The following ARHGAP15 variants were observed in gnomAD, a reference collection of about 807,000 sequenced individuals.
ARHGAP15 encodes the protein rho GTPase-activating protein 15.
In ARHGAP15, 51 loss-of-function variants were observed where a neutral mutation model predicts 63.7. The observed-to-expected ratio is 0.80, with a 90% CI of 0.64 to 1.01. The LOEUF (loss-of-function observed/expected upper bound fraction) is 1.01, where lower values mean the gene tolerates loss of function less well. Among genes scored for constraint, ARHGAP15 ranks in the 50% least tolerant of loss-of-function variants. The probability of loss-of-function intolerance (pLI) is 0.00; values close to 1 mark genes in which losing one functional copy is unlikely to be tolerated. For missense variants in ARHGAP15, 560 were observed against 564.6 expected (o/e 0.99, Z 0.08); for synonymous variants, 191 against 193.8 (o/e 0.99, Z 0.12).
chr2:143,394,264 T>C (rs988051126), intron 6 of ARHGAP15, among the ~76,000 whole-genome samples: 1 of 152,080 alleles, frequency 6.6e-6, no homozygotes, highest in Non-Finnish European at 1.5e-5. Context: ...GCCACAAATA[T>C]GCTAGTCTGT....
intron 6 of ARHGAP15, among the ~76,000 whole-genome samples, chr2:143,351,818 A>G (rs550521418): frequency 8.5e-5 from 13 of 152,318 alleles, no homozygotes; most frequent in South Asian, 4.1e-4. Flanking sequence ...GTGATATGGC[A>G]TGGAATTAGG....
In ARHGAP15 at chr2:143,592,946, T is replaced by A. The variant is rs115345987; in HGVS notation, c.1004-31187T>A. ...TCTATTTATATGTGCACCATCCCAC[T>A]GGCACCGTTGTTCAAGGTTCCATAA... On this transcript the variant is annotated intron_variant, in intron 11 of 13. Transcript: ENST00000295095. Among the ~76,000 whole-genome samples, 1,422 of 152,306 alleles carry A rather than the reference T, an allele frequency of 9.3e-3. 25 individuals are homozygous for A. Among genetic ancestry groups the A allele is most frequent in the African/African-American group, 0.031 (1,305 of 41,570 alleles).
At chr2:143,607,825 A>G (rs1698097732) in intron 11 of ARHGAP15, 1 of 152,020 alleles carries the variant, frequency 6.6e-6, no homozygotes, top group Non-Finnish European at 1.5e-5. Flanking sequence ...CATGTTCTCC[A>G]CCCCACTGAA....
At chr2:143,165,993 AGAAAGAAAGAAG>A (rs1234865871) in intron 2 of ARHGAP15, among the ~76,000 whole-genome samples, 7 of 115,606 alleles carry the variant, frequency 6.1e-5, no homozygotes, top group African/African-American at 2.2e-4. Context: ...AAAGAAAGAA[AGAAAGAAAGAAG>A]GAAGGAAGGA....
At chr2:143,467,594 G>C (rs1367259891) in intron 8 of ARHGAP15, among the ~76,000 whole-genome samples, 7 of 152,036 alleles carry the variant, frequency 4.6e-5, no homozygotes, top group Non-Finnish European at 8.8e-5. Context: ...ACTATTGTCT[G>C]CTTCCATCAT....
intron 11 of ARHGAP15, among the ~76,000 whole-genome samples, chr2:143,593,984 T>G (rs1395523341): frequency 1.3e-5 from 2 of 152,198 alleles, no homozygotes; most frequent in African/African-American, 2.4e-5. Flanking sequence ...TGATATATTA[T>G]TTAACTCTTA....
At chr2:143,748,634 A>G (rs1271657262) in intron 13 of ARHGAP15, among the ~76,000 whole-genome samples, 2 of 152,218 alleles carry the variant, frequency 1.3e-5, no homozygotes, top group African/African-American at 4.8e-5. Context: ...TGGTAGGCGG[A>G]GTATATCTTA....
At chr2:143,751,464 G>A (rs184407163) in intron 13 of ARHGAP15, among the ~76,000 whole-genome samples, 17 of 152,128 alleles carry the variant, frequency 1.1e-4, no homozygotes, top group African/African-American at 3.1e-4. Context: ...TGTGGTGCTC[G>A]GAGTGTGTTC....
rs148887937 is a variant in ARHGAP15 at position 143,573,894 on chromosome 2, C to G, written c.1003+17409C>G. ...GTTCAGGTTCATATTTGGTCCATTTCTAGAAAAGGTTGCCTCTCTTATATT... is the reference window on the plus strand; with the variant it reads ...GTTCAGGTTCATATTTGGTCCATTTGTAGAAAAGGTTGCCTCTCTTATATT... On this transcript the variant is annotated intron_variant, in intron 11 of 13. Coordinates refer to ENST00000295095, the MANE Select transcript of ARHGAP15 (RefSeq NM_018460.4). 7.2e-3 allele frequency among the ~76,000 whole-genome samples: 1,092 copies of G among 152,084 alleles called. 5 individuals carry two copies. The highest frequency in any genetic ancestry group is 9.9e-3 in the Non-Finnish European group (673 of 67,960).
At chr2:143,328,128 CTT>C (rs1309230614) in intron 6 of ARHGAP15, among the ~76,000 whole-genome samples, 1 of 152,196 alleles carries the variant, frequency 6.6e-6, no homozygotes, top group Non-Finnish European at 1.5e-5. Context: ...AAAAGGAACA[CTT>C]TTACACTATT....
Position 143,216,485 on chromosome 2 carries a change from G to T in ARHGAP15, c.296+40G>T, listed in dbSNP as rs770416782. The T allele has an allele frequency of 4.9e-6, 7 of 1,430,560 alleles. No individual in the cohort carries two copies. In the South Asian group the frequency reaches 8.3e-5, roughly 17 times the overall value. 88.6% of individuals were successfully genotyped at this position (1,430,560 alleles called of 1,614,324 possible). A position where few individuals can be genotyped will look rare whatever the true frequency, so the allele number is the denominator to read the frequency against. ...TAATTCACTTTTATATAACTATGCT[G>T]GTTCTTCATATGCTAAACTTGTGCC... is the stretch of plus-strand genomic sequence containing the variant. On this transcript the variant is annotated intron_variant, in intron 4 of 13. Transcript: ENST00000295095.
chr2:143,372,405 A>G (rs1238543664), intron 6 of ARHGAP15, among the ~76,000 whole-genome samples: 1 of 151,362 alleles, frequency 6.6e-6, no homozygotes, highest in Admixed American at 6.6e-5. Flanking sequence ...TATTTCACCA[A>G]TGATACCATA....
At chr2:143,333,899 T>C (rs750585745) in intron 6 of ARHGAP15, among the ~76,000 whole-genome samples, 2 of 152,348 alleles carry the variant, frequency 1.3e-5, no homozygotes, top group African/African-American at 4.8e-5. Flanking sequence ...AAATTGTTTC[T>C]TGTCTTAATA....
intron 5 of ARHGAP15, 101 bp downstream of exon 5, chr2:143,228,769 C>A (rs1693324047): frequency 5.2e-6 from 4 of 775,092 alleles, no homozygotes; most frequent in Admixed American, 3.2e-5. Context: ...TCCAAGCTAC[C>A]AACATCTGAA....
chr2:143,133,378 T>A (rs1298262807), intron 1 of ARHGAP15, among the ~76,000 whole-genome samples: 2 of 152,340 alleles, frequency 1.3e-5, no homozygotes, highest in African/African-American at 4.8e-5. Flanking sequence ...TGGATATAAG[T>A]AACAGCAGGG....
At chr2:143,306,708 C>T (rs1032460621) in intron 6 of ARHGAP15, among the ~76,000 whole-genome samples, 1 of 152,118 alleles carries the variant, frequency 6.6e-6, no homozygotes, top group African/African-American at 2.4e-5. Context: ...ATTCACCCAC[C>T]TCTTCAGTAG....
At chr2:143,327,624 C>T (rs1486297738) in intron 6 of ARHGAP15, among the ~76,000 whole-genome samples, 1 of 152,082 alleles carries the variant, frequency 6.6e-6, no homozygotes, top group Non-Finnish European at 1.5e-5. Context: ...GGATTAAAGA[C>T]TTAACATAAG....
intron 6 of ARHGAP15, among the ~76,000 whole-genome samples, chr2:143,277,741 C>T (rs1232982706): frequency 2.6e-5 from 4 of 152,052 alleles, no homozygotes. Flanking sequence ...TCTTCAAATT[C>T]TCTGTCTCTG....
chr2:143,749,150 GAAATGT>G lies in ARHGAP15; in HGVS notation c.1245-18835_1245-18830del, dbSNP rs539681293. 5.9e-5 allele frequency among the ~76,000 whole-genome samples: 9 copies of G among 152,244 alleles called. No individual in the cohort carries two copies. In the East Asian group the frequency reaches 1.7e-3, roughly 29 times the overall value. On this transcript the variant is annotated intron_variant, in intron 13 of 13. Coordinates refer to ENST00000295095, the MANE Select transcript of ARHGAP15 (RefSeq NM_018460.4). ...CAAAGAGAGCTTACCCTAAAGTCTG[GAAATGT>G]AAAAAATAAGTACCACACTTGCTCC...
Sources: allele counts gnomAD v4.1 joint callset (sites outside exome capture counted in the v4.1 genomes callset), GRCh38; gene constraint gnomAD v4.1.1; transcripts MANE v1.5; gene names NCBI Gene and HGNC (gene_info 2026-07-23, HGNC 2026-07-21).